The following NOMO2 variants were observed in gnomAD, a reference collection of about 807,000 sequenced individuals.
NOMO2 encodes BOS complex subunit NOMO2.
A neutral mutation model predicts 67.1 loss-of-function variants in NOMO2; 14 were observed. The observed-to-expected ratio is 0.21, with a 90% CI of 0.14 to 0.33. NOMO2 has a LOEUF of 0.33. NOMO2 is among the 10% of genes least tolerant of loss of function. NOMO2 has a pLI of 1.00. For missense variants in NOMO2, 178 were observed against 761.0 expected (o/e 0.23, Z 9.01); for synonymous variants, 80 against 305.9 (o/e 0.26, Z 7.71).
At chr16:18,536,413 G>A (rs1201857946) in intron 11 of NOMO2, among the ~76,000 whole-genome samples, 3 of 152,174 alleles carry the variant, frequency 2.0e-5, no homozygotes, top group Admixed American at 2.0e-4. Context: ...TAATTTAGCA[G>A]CATAAATGTA....
intron 11 of NOMO2, among the ~76,000 whole-genome samples, chr16:18,534,986 T>C (rs1001320034): frequency 4.8e-5 from 2 of 41,630 alleles, no homozygotes; most frequent in Non-Finnish European, 1.2e-4. Context: ...TCACAGTCAT[T>C]TGGACAGAAG....
intron 1 of NOMO2, among the ~76,000 whole-genome samples, chr16:18,559,290 C>T (rs915560700): frequency 1.3e-5 from 2 of 151,956 alleles, no homozygotes; most frequent in Admixed American, 6.6e-5. Flanking sequence ...GGAAAATTTC[C>T]TAAATGTACC....
chr16:18,533,521 C>T (rs1173508146), intron 11 of NOMO2: 9 of 209,740 alleles, frequency 4.3e-5, no homozygotes, highest in African/African-American at 7.1e-5. Flanking sequence ...GTAATTGGAT[C>T]GTTGACAGCG....
Position 18,539,792 on chromosome 16 carries a change from A to G in NOMO2, c.964-828T>C, listed in dbSNP as rs565648412. ...ACCTAGACCACCCTCCTCCACCACC[A>G]TCACTGGCTCACACGTGGTCCCATG... is the stretch of plus-strand genomic sequence containing the variant. On this transcript the variant is annotated intron_variant, in intron 9 of 30. Coordinates refer to ENST00000622306, the MANE Select transcript of NOMO2 (RefSeq NM_173614.4). 2.0e-3 allele frequency among the ~76,000 whole-genome samples: 305 copies of G among 151,948 alleles called. 5 individuals carry two copies. The highest frequency in any genetic ancestry group is 0.01 in the Middle Eastern group (3 of 294).
intron 11 of NOMO2, among the ~76,000 whole-genome samples, chr16:18,536,476 A>C (rs551531169): frequency 6.6e-6 from 1 of 151,828 alleles, no homozygotes; most frequent in African/African-American, 2.4e-5. Flanking sequence ...TTTAATTTTT[A>C]TCTCTTTATT....
chr16:18,550,848 A>G (rs1332787205), intron 4 of NOMO2, among the ~76,000 whole-genome samples: 1 of 151,986 alleles, frequency 6.6e-6, no homozygotes, highest in Non-Finnish European at 1.5e-5. Context: ...TCCCTGTAAA[A>G]GGCCATCCCT....
intron 7 of NOMO2, among the ~76,000 whole-genome samples, chr16:18,543,128 C>T: frequency 7.3e-6 from 1 of 136,722 alleles, no homozygotes; most frequent in Non-Finnish European, 1.6e-5. Context: ...CACTGCCTCC[C>T]AGTGTAGATG....
chr16:18,535,229 A>T (rs1376765548), intron 11 of NOMO2, among the ~76,000 whole-genome samples: 1 of 148,386 alleles, frequency 6.7e-6, no homozygotes, highest in Non-Finnish European at 1.5e-5. Context: ...GGGCAGGAGA[A>T]TCACTTGAAC....
At chr16:18,557,824 A>G (rs1901945025) in intron 1 of NOMO2, 33 bp from the exon 2 acceptor site, 2 of 1,544,328 alleles carry the variant, frequency 1.3e-6, no homozygotes, top group South Asian at 2.4e-5. Context: ...AGAAATCATA[A>G]CATTGCCTTT....
At chr16:18,529,293 A>G (rs1901236194) in intron 15 of NOMO2, 8 of 637,156 alleles carry the variant, frequency 1.3e-5, no homozygotes, top group Admixed American at 2.7e-5. Flanking sequence ...TAGGGCCAGG[A>G]CAAGGAAACC....
intron 2 of NOMO2, among the ~76,000 whole-genome samples, chr16:18,557,028 T>G (rs529625114): frequency 0.042 from 6,226 of 147,452 alleles, no homozygotes; most frequent in African/African-American, 0.092. Context: ...TCGGGAGGCC[T>G]AGGAAGGAAA....
chr16:18,543,231 T>G (rs1901587940), intron 7 of NOMO2, among the ~76,000 whole-genome samples: 1 of 146,380 alleles, frequency 6.8e-6, no homozygotes, highest in African/African-American at 2.5e-5. Flanking sequence ...CAGGCTGGAG[T>G]GCAGTGGCGT....
intron 11 of NOMO2, among the ~76,000 whole-genome samples, chr16:18,535,499 G>T (rs1283327384): frequency 2.0e-4 from 30 of 152,086 alleles, no homozygotes; most frequent in African/African-American, 5.5e-4. Context: ...CCATCTCTGT[G>T]AACAGCGCCT....
chr16:18,552,469 GCACA>G (rs201636709), intron 3 of NOMO2, among the ~76,000 whole-genome samples: 10,114 of 97,342 alleles, frequency 0.1, 261 homozygotes, highest in African/African-American at 0.13. Flanking sequence ...ACGCGTACAT[GCACA>G]CACACACACA....
chr16:18,562,059 T>G lies in NOMO2; in HGVS notation c.-19A>C. The stretch of plus-strand genomic sequence containing the variant: ...CCAGCATGGCCCGACCTCCCCCAGC[T>G]AGACCCACCGCCGGCAGCCGGGTCC... On this transcript the variant is annotated 5_prime_UTR_variant, in exon 1 of 31. Coordinates refer to ENST00000622306, the MANE Select transcript of NOMO2 (RefSeq NM_173614.4). 7.0e-7 allele frequency: 1 copy of G among 1,434,544 alleles called. No homozygotes were observed. The allele number at this position is 1,434,544 out of a possible 1,614,324, so 88.9% of individuals were successfully genotyped here.
chr16:18,535,892 A>G (rs150941981), intron 11 of NOMO2, among the ~76,000 whole-genome samples: 33 of 151,764 alleles, frequency 2.2e-4, no homozygotes, highest in South Asian at 8.4e-4. Flanking sequence ...TGCCTCTCGG[A>G]TTCAAGCGAT....
At chr16:18,529,840 C>T (rs576133700) in intron 14 of NOMO2, among the ~76,000 whole-genome samples, 8 of 151,262 alleles carry the variant, frequency 5.3e-5, no homozygotes, top group Non-Finnish European at 7.4e-5. Flanking sequence ...TGGAGTCGAG[C>T]GTGGTGGCTC....
Position 18,561,880 on chromosome 16 carries a change from A to G in NOMO2, c.161T>C (p.Ile54Thr), listed in dbSNP as rs1453746158. 6.4e-7 allele frequency: 1 copy of G among 1,559,148 alleles called. No individual in the cohort carries two copies. Among genetic ancestry groups the G allele is most frequent in the East Asian group, 2.4e-5 (1 of 41,074 alleles). The change falls in exon 1 of 31, where the codon ATC (isoleucine) becomes ACC (threonine). Residue 54 changes from isoleucine (I) to threonine (T), a missense_variant. Ile to Thr is a moderately conservative substitution (Grantham distance 89, BLOSUM62 -1). Coordinates refer to ENST00000622306, the MANE Select transcript of NOMO2 (RefSeq NM_173614.4). ...KSDVEINYSL[I>T]EIKLYTKHGT... Reference sequence around the variant, plus strand: ...GGCGGCGGGGCGGGCGCTCACCTCGATGAGCGAGTAGTTGATCTCCACGTC... The same window carrying G: ...GGCGGCGGGGCGGGCGCTCACCTCGGTGAGCGAGTAGTTGATCTCCACGTC...
chr16:18,550,689 A>G (rs569093767), intron 4 of NOMO2, among the ~76,000 whole-genome samples: 2,613 of 149,846 alleles, frequency 0.017, 1 homozygote, highest in African/African-American at 0.062. Flanking sequence ...TGGCGGTCCA[A>G]AAAAATCTCA....
Sources: gnomAD v4.1 joint callset for allele counts (sites outside exome capture counted in the v4.1 genomes callset) on GRCh38, gnomAD v4.1.1 for gene constraint, MANE v1.5 for transcripts, NCBI Gene and HGNC (gene_info 2026-07-23, HGNC 2026-07-21) for gene names.